EFCAB6: variants seen among roughly 807,000 people sequenced by gnomAD.
EFCAB6 encodes the protein EF-hand calcium binding domain 6.
A neutral mutation model predicts 169.8 loss-of-function variants in EFCAB6; 156 were observed. The observed-to-expected ratio is 0.92, with a 90% CI of 0.81 to 1.05. The LOEUF is 1.05. EFCAB6 is among the 50% of genes least tolerant of loss of function. EFCAB6 has a pLI of 0.00. For missense variants in EFCAB6, 1,800 were observed against 1,829.1 expected (o/e 0.98, Z 0.29); for synonymous variants, 698 against 676.4 (o/e 1.03, Z -0.50).
chr22:43,734,279 G>A (rs2060056471), intron 7 of EFCAB6, among the ~76,000 whole-genome samples: 1 of 152,166 alleles, frequency 6.6e-6, no homozygotes, highest in African/African-American at 2.4e-5. Context: ...GTATATTCTT[G>A]AGCTTCAATA....
intron 12 of EFCAB6, among the ~76,000 whole-genome samples, chr22:43,681,227 T>A (rs9614258): frequency 6.6e-6 from 1 of 152,140 alleles, no homozygotes. Flanking sequence ...CATGTAGTTC[T>A]GTTCCTCACT....
At chr22:43,732,601 G>C (rs1293338308) in intron 7 of EFCAB6, among the ~76,000 whole-genome samples, 6 of 151,218 alleles carry the variant, frequency 4.0e-5, no homozygotes, top group Admixed American at 4.0e-4. Context: ...CGAGTAGCTG[G>C]GATTACAGCC....
At chr22:43,539,907 C>T (rs1022890125) in intron 28 of EFCAB6, among the ~76,000 whole-genome samples, 1 of 152,208 alleles carries the variant, frequency 6.6e-6, no homozygotes, top group Admixed American at 6.5e-5. Flanking sequence ...TCCTTTCCAT[C>T]CCACTCCTCC....
At chr22:43,799,358 C>CACACACACAA (rs1343933165) in intron 2 of EFCAB6, among the ~76,000 whole-genome samples, 2 of 151,062 alleles carry the variant, frequency 1.3e-5, no homozygotes, top group South Asian at 2.1e-4. Flanking sequence ...CACACACACA[C>CACACACACAA]AAACATGTAC....
chr22:43,572,135 T>C lies in EFCAB6; in HGVS notation c.3420+4162A>G, dbSNP rs2147218574. On this transcript the variant is annotated intron_variant, in intron 26 of 31. Coordinates refer to ENST00000262726, the MANE Select transcript of EFCAB6 (RefSeq NM_022785.4). This position sits in a 1 kb window ranked among gnomAD's most constrained non-coding sequence, Gnocchi z 4.0. ...TTCCTAGTCCACCGTGGTTAGTCCC[T>C]GTCTCAAGCACATTTCTCCTCTTCA... is the stretch of plus-strand genomic sequence containing the variant. 6.6e-6 allele frequency among the ~76,000 whole-genome samples: 1 copy of C among 152,196 alleles called. No individual in the cohort carries two copies. The highest frequency in any genetic ancestry group is 1.9e-4 in the East Asian group (1 of 5,186).
chr22:43,593,060 A>G (rs951310388), intron 23 of EFCAB6, among the ~76,000 whole-genome samples: 2 of 137,142 alleles, frequency 1.5e-5, no homozygotes, highest in Non-Finnish European at 3.1e-5. Context: ...AGTATAGAGG[A>G]GGAGGTAAAA....
At chr22:43,593,033 A>AGGTTTTTC (rs1210278809) in intron 23 of EFCAB6, among the ~76,000 whole-genome samples, 2 of 151,916 alleles carry the variant, frequency 1.3e-5, no homozygotes, top group Non-Finnish European at 2.9e-5. Context: ...CAAATCTGTC[A>AGGTTTTTC]ATCTGATCAG....
rs1003841327 is a variant in EFCAB6 at position 43,628,209 on chromosome 22, C to G, written c.2233-1530G>C. Among the ~76,000 whole-genome samples the G allele has an allele frequency of 9.9e-5, 15 of 152,154 alleles. No homozygotes were observed. The highest frequency in any genetic ancestry group is 3.6e-4 in the African/African-American group (15 of 41,438). On this transcript the variant is annotated intron_variant, in intron 19 of 31. Coordinates refer to ENST00000262726, the MANE Select transcript of EFCAB6 (RefSeq NM_022785.4). The surrounding 1 kb of genome is among the most constrained non-coding windows in gnomAD (Gnocchi z 4.8). The stretch of plus-strand genomic sequence containing the variant: ...TGTCCCCACCCTACTCCTCCTAAGT[C>G]TTCCCATCTCAGTAAGTGGAGCTCT...
At chr22:43,753,709 A>C (rs2060853848) in intron 6 of EFCAB6, among the ~76,000 whole-genome samples, 1 of 152,150 alleles carries the variant, frequency 6.6e-6, no homozygotes, top group African/African-American at 2.4e-5. Context: ...ATTGCAGAAG[A>C]AAACAATTAG....
intron 24 of EFCAB6, among the ~76,000 whole-genome samples, chr22:43,581,153 G>A (rs900689655): frequency 3.3e-5 from 5 of 152,162 alleles, no homozygotes; most frequent in Non-Finnish European, 5.9e-5. Context: ...GTCTGGATGG[G>A]GGGCTCCTGG....
At chr22:43,784,620 T>TACACATATATGTGTATATATAC (rs2061984527) in intron 2 of EFCAB6, among the ~76,000 whole-genome samples, 2 of 76,302 alleles carry the variant, frequency 2.6e-5, no homozygotes, top group East Asian at 2.5e-4. Context: ...TGTGTATATA[T>TACACATATATGTGTATATATAC]ACACATATAT....
chr22:43,656,977 C>T (rs1370614983), intron 17 of EFCAB6, among the ~76,000 whole-genome samples: 2 of 152,120 alleles, frequency 1.3e-5, no homozygotes, highest in Non-Finnish European at 2.9e-5. Context: ...CGTTCTTTTC[C>T]AGTGTTTATG....
At chr22:43,602,883 T>C (rs1247416787) in intron 22 of EFCAB6, among the ~76,000 whole-genome samples, 2 of 152,106 alleles carry the variant, frequency 1.3e-5, no homozygotes, top group Non-Finnish European at 2.9e-5. Flanking sequence ...TACTGCTCTA[T>C]GCCACCCAAA....
intron 18 of EFCAB6, 54 bp downstream of exon 18, chr22:43,635,048 A>C: frequency 6.9e-7 from 1 of 1,441,402 alleles, no homozygotes; most frequent in African/African-American, 1.4e-5. Flanking sequence ...TAGCAAAGAC[A>C]TGCAGTGTCA....
intron 10 of EFCAB6, among the ~76,000 whole-genome samples, chr22:43,690,512 T>A (rs1282726679): frequency 8.1e-6 from 1 of 123,518 alleles, no homozygotes; most frequent in African/African-American, 3.1e-5. Context: ...CAAGACTCCG[T>A]CTCAGAAAAA....
intron 9 of EFCAB6, 35 bp from the exon 10 acceptor site, chr22:43,711,658 A>C: frequency 6.4e-7 from 1 of 1,565,936 alleles, no homozygotes; most frequent in Non-Finnish European, 8.6e-7. Context: ...TGGCGTTCAT[A>C]AATATCAACT....
intron 25 of EFCAB6, among the ~76,000 whole-genome samples, chr22:43,578,785 C>A (rs62226975): frequency 1.3e-5 from 2 of 149,374 alleles, no homozygotes; most frequent in African/African-American, 4.9e-5. Flanking sequence ...ATACCCTACA[C>A]GCAGGCATCA....
At chr22:43,810,211 A>C (rs1013063130) in intron 1 of EFCAB6, among the ~76,000 whole-genome samples, 3 of 152,210 alleles carry the variant, frequency 2.0e-5, no homozygotes, top group Admixed American at 6.5e-5. Context: ...GTGAGGACTA[A>C]ATTTAAAAAG....
intron 8 of EFCAB6, among the ~76,000 whole-genome samples, chr22:43,731,023 G>A (rs928394320): frequency 2.0e-5 from 3 of 152,168 alleles, no homozygotes; most frequent in Non-Finnish European, 4.4e-5. Flanking sequence ...AGACCACTGA[G>A]GGGAAATCTT....
Sources: gnomAD v4.1 joint callset for allele counts (sites outside exome capture counted in the v4.1 genomes callset) on GRCh38, gnomAD v4.1.1 for gene constraint, Gnocchi (gnomAD v3.1) non-coding constraint, MANE v1.5 for transcripts, NCBI Gene and HGNC (gene_info 2026-07-23, HGNC 2026-07-21) for gene names.